TRIM9: variants seen among roughly 807,000 people sequenced by gnomAD.
The protein encoded by TRIM9 is E3 ubiquitin-protein ligase TRIM9.
A neutral mutation model predicts 78.3 loss-of-function variants in TRIM9; 26 were observed. That is an observed-to-expected ratio of 0.33 (90% CI 0.24 to 0.46). The LOEUF (loss-of-function observed/expected upper bound fraction) is 0.46. Ranked by LOEUF, TRIM9 falls within the 20% of genes least tolerant of loss-of-function variation. The pLI, the probability that TRIM9 is intolerant of heterozygous loss-of-function variation, is 1.00. For missense variants in TRIM9, 787 were observed against 1,036.4 expected (o/e 0.76, Z 3.30); for synonymous variants, 398 against 416.5 (o/e 0.96, Z 0.54).
intron 3 of TRIM9, among the ~76,000 whole-genome samples, chr14:51,017,995 C>T (rs2057379722): frequency 8.1e-6 from 1 of 123,860 alleles, no homozygotes; most frequent in South Asian, 2.2e-4. Flanking sequence ...ATTCATCATT[C>T]ATGATGGGCT....
Position 51,009,130 on chromosome 14 carries a change from T to C in TRIM9, c.1256A>G (p.Asn419Ser), listed in dbSNP as rs751226245. 8.1e-6 allele frequency: 13 copies of C among 1,613,982 alleles called. No homozygotes were observed. The African/African-American group carries it at 1.5e-4, about 18-fold the overall frequency. Reference sequence around the variant, plus strand: ...GTGGATGGATTGCAGCAGAGGGCTGTTGTCCAGACTCAAGTCAAAGTCCGT... The same window carrying C: ...GTGGATGGATTGCAGCAGAGGGCTGCTGTCCAGACTCAAGTCAAAGTCCGT... The part of the protein sequence containing the change: ...MTTDFDLSLD[N>S]SPLLQSIHQL... Residue 419 changes from asparagine (N) to serine (S), a missense_variant, in exon 5 of 13, where the codon AAC (asparagine) becomes AGC (serine). Asn to Ser is a conservative substitution (Grantham distance 46). Transcript: ENST00000684578.
chr14:51,010,315 G>A (rs1466534809), intron 4 of TRIM9, 69 bp downstream of exon 4: 2 of 1,322,818 alleles, frequency 1.5e-6, no homozygotes, highest in African/African-American at 1.4e-5. Context: ...TTGGAAGTCT[G>A]ACTTAAGCAT....
At chr14:50,983,027 A>T in intron 9 of TRIM9, 62 bp from the exon 10 acceptor site, 2 of 1,482,956 alleles carry the variant, frequency 1.3e-6, no homozygotes, top group African/African-American at 2.8e-5. Flanking sequence ...TGACATGGAT[A>T]AGAAAATGTG....
chr14:51,013,893 A>T (rs567406971), intron 3 of TRIM9, among the ~76,000 whole-genome samples: 208 of 152,328 alleles, frequency 1.4e-3, no homozygotes, highest in Admixed American at 2.4e-3. Context: ...CCTCTGCTGT[A>T]TGAGGCTGAA....
chr14:50,994,229 G>A (rs764933993), intron 7 of TRIM9, among the ~76,000 whole-genome samples: 10 of 152,254 alleles, frequency 6.6e-5, no homozygotes, highest in Non-Finnish European at 1.3e-4. Flanking sequence ...AACACAGCAA[G>A]ACCACATCTC....
At chr14:50,996,589 C>T (rs1381826170) in intron 7 of TRIM9, 1 of 985,452 alleles carries the variant, frequency 1.0e-6, no homozygotes. Context: ...TTCAATCAAA[C>T]CACCTTGTAC....
chr14:51,085,037 G>T (rs1238944534), intron 1 of TRIM9, among the ~76,000 whole-genome samples: 2 of 152,216 alleles, frequency 1.3e-5, no homozygotes, highest in East Asian at 3.8e-4. Flanking sequence ...TTTGTTCAGA[G>T]ACTAATAATG....
At chr14:51,047,814 A>G (rs2140042966) in intron 1 of TRIM9, among the ~76,000 whole-genome samples, 1 of 152,310 alleles carries the variant, frequency 6.6e-6, no homozygotes, top group African/African-American at 2.4e-5. Flanking sequence ...TTTAAACACA[A>G]ATTTATACTT....
chr14:50,982,317 G>A (rs944793466), intron 10 of TRIM9: 7 of 593,246 alleles, frequency 1.2e-5, no homozygotes, highest in East Asian at 1.1e-4. Context: ...ATTCAGCAGG[G>A]GTTACCTGGC....
At position 51,074,622 on chromosome 14, in the gene TRIM9, C is replaced by T. The variant is rs574144350; in HGVS notation, c.822+19496G>A. ...TTTTAATTACTCTTTGATCCTTCCACCCCACCCTGCCCTTTTCTTTCCTAG... is the reference window on the plus strand; with the variant it reads ...TTTTAATTACTCTTTGATCCTTCCATCCCACCCTGCCCTTTTCTTTCCTAG... On this transcript the variant is annotated intron_variant, in intron 1 of 12. Transcript: ENST00000684578. Among the ~76,000 whole-genome samples, 8 of 152,338 alleles carry T rather than the reference C, an allele frequency of 5.3e-5. No homozygotes were observed. In the South Asian group the frequency reaches 1.5e-3, roughly 28 times the overall value.
intron 1 of TRIM9, among the ~76,000 whole-genome samples, chr14:51,085,408 G>T (rs4901076): frequency 5.3e-5 from 8 of 151,282 alleles, no homozygotes; most frequent in African/African-American, 2.0e-4. Flanking sequence ...TATAAAACAC[G>T]CAGTTCTGCT....
chr14:51,067,637 A>G (rs944664609), intron 1 of TRIM9, among the ~76,000 whole-genome samples: 2 of 151,856 alleles, frequency 1.3e-5, no homozygotes, highest in African/African-American at 4.8e-5. Context: ...GGATCTTTGC[A>G]TGTGCTATTT....
intron 3 of TRIM9, among the ~76,000 whole-genome samples, chr14:51,020,746 G>A (rs892664329): frequency 7.9e-5 from 12 of 152,242 alleles, no homozygotes; most frequent in Admixed American, 7.9e-4. Context: ...GGAGGGCAAC[G>A]GGGCTTCTCA....
At chr14:50,993,369 CTCTT>C (rs1302935562) in intron 7 of TRIM9, among the ~76,000 whole-genome samples, 1 of 149,634 alleles carries the variant, frequency 6.7e-6, no homozygotes, top group Non-Finnish European at 1.5e-5. Flanking sequence ...TTCAACAAGA[CTCTT>C]TTTTTTTTTT....
intron 1 of TRIM9, among the ~76,000 whole-genome samples, chr14:51,084,814 T>C (rs1406894666): frequency 6.6e-6 from 1 of 152,162 alleles, no homozygotes; most frequent in East Asian, 1.9e-4. Context: ...TTTGCACTGA[T>C]GAAAAGAAAC....
rs1031475854 is a variant in TRIM9, at chr14:50,986,096, C to G, written c.1652G>C (p.Arg551Thr). 2 of 1,545,976 alleles carry G rather than the reference C, an allele frequency of 1.3e-6. No individual in the cohort carries two copies. The highest frequency in any genetic ancestry group is 1.7e-6 in the Non-Finnish European group (2 of 1,144,594). ...QTLPFPVPSE[R>T]LPLRRMSPFS... is the part of the protein sequence containing the mutation. ...AGGACTCATTCTACGGAGCGGCAAT[C>G]TTTCCGAAGGCACTGGAAAAGGGAG... The change falls in exon 8 of 13, where the codon AGA (arginine) becomes ACA (threonine). Residue 551 changes from arginine (R) to threonine (T), a missense_variant. Arg to Thr is a moderately conservative substitution (Grantham distance 71). Transcript: ENST00000684578.
At chr14:51,025,123 G>A in intron 2 of TRIM9, 142 bp downstream of exon 2, 1 of 753,706 alleles carries the variant, frequency 1.3e-6, no homozygotes, top group East Asian at 2.5e-5. Context: ...ATCTCTATGT[G>A]TTTGTATGTA....
chr14:51,082,140 G>GC (rs2063355560), intron 1 of TRIM9, among the ~76,000 whole-genome samples: 1 of 152,132 alleles, frequency 6.6e-6, no homozygotes, highest in Non-Finnish European at 1.5e-5. Flanking sequence ...GGACCTGGGG[G>GC]CCCACCCTGA....
chr14:51,011,487 G>C (rs1307010897), intron 3 of TRIM9, among the ~76,000 whole-genome samples: 1 of 152,130 alleles, frequency 6.6e-6, no homozygotes, highest in Non-Finnish European at 1.5e-5. Context: ...TCTTTGAATG[G>C]TTTTTGAAGC....
Sources: allele counts gnomAD v4.1 joint callset (sites outside exome capture counted in the v4.1 genomes callset), GRCh38; gene constraint gnomAD v4.1.1; transcripts MANE v1.5; gene names NCBI Gene and HGNC (gene_info 2026-07-23, HGNC 2026-07-21).